Variants in YES1 observed in about 807,000 individuals in gnomAD.
The protein encoded by YES1 is tyrosine-protein kinase Yes.
Under a neutral mutation model 70.4 loss-of-function variants are expected in YES1, and 39 were observed. That is an observed-to-expected ratio of 0.55 (90% CI 0.43 to 0.72). The LOEUF (loss-of-function observed/expected upper bound fraction) is 0.72. YES1 is among the 30% of genes least tolerant of loss of function. The pLI is 0.00. For synonymous variants in YES1, 198 were observed against 218.6 expected (o/e 0.91, Z 0.83); for missense variants, 495 against 644.8 (o/e 0.77, Z 2.52).
intron 11 of YES1, among the ~76,000 whole-genome samples, chr18:727,053 T>C (rs1434447372): frequency 6.6e-6 from 1 of 152,120 alleles, no homozygotes; most frequent in Non-Finnish European, 1.5e-5. Flanking sequence ...AAGTATCTCT[T>C]TTTCTTCTTT....
At chr18:787,581 G>A (rs1441553837) in intron 1 of YES1, among the ~76,000 whole-genome samples, 3 of 151,938 alleles carry the variant, frequency 2.0e-5, no homozygotes, top group Non-Finnish European at 2.9e-5. Context: ...ATGCTGGTGC[G>A]TGCCTGTAAT....
At position 732,805 on chromosome 18, in the gene YES1, T is replaced by C. The variant is rs191039075; in HGVS notation, c.1423+29A>G. On this transcript the variant is annotated intron_variant, in intron 11 of 11. Transcript: ENST00000314574. ...ACTCCTGATAAAGCCACTCATGAGA[T>C]AACCAAGAGCTATAAAATGCAAGCT... The C allele has an allele frequency of 1.6e-5, 26 of 1,613,982 alleles. No homozygotes were observed. The African/African-American group carries it at 2.9e-4, about 18-fold the overall frequency.
chr18:757,232 A>ATG (rs2080419698), intron 1 of YES1, among the ~76,000 whole-genome samples: 1 of 152,206 alleles, frequency 6.6e-6, no homozygotes, highest in Non-Finnish European at 1.5e-5. Context: ...CGCTGGGCGC[A>ATG]GTGGCTCACG....
intron 1 of YES1, among the ~76,000 whole-genome samples, chr18:781,235 C>T (rs1008910096): frequency 4.1e-5 from 6 of 147,146 alleles, no homozygotes; most frequent in Non-Finnish European, 5.9e-5. Flanking sequence ...CGCCATTGCA[C>T]TGCAGCCTGG....
At position 756,611 on chromosome 18, in the gene YES1, C is replaced by T; in HGVS notation, c.217G>A (p.Gly73Ser). ...ACCACTGAAAATGAGGAAGATGCACCTCCAAAAGGCGTTACCCCTGAGGAT... is the reference window on the plus strand; with the variant it reads ...ACCACTGAAAATGAGGAAGATGCACTTCCAAAAGGCGTTACCCCTGAGGAT... Reference protein sequence around the residue: ...GGSSGVTPFGGASSSFSVVPS... With the variant: ...GGSSGVTPFGSASSSFSVVPS... Residue 73 changes from glycine to serine, a missense_variant, in exon 2 of 12, where the codon GGT becomes AGT. By Grantham distance (56) the Gly-to-Ser change is moderately conservative. Coordinates refer to ENST00000314574, the MANE Select transcript of YES1 (RefSeq NM_005433.4). 1 of 1,614,130 alleles carries T rather than the reference C, an allele frequency of 6.2e-7. No homozygotes were observed. The highest frequency in any genetic ancestry group is 8.5e-7 in the Non-Finnish European group (1 of 1,180,030).
chr18:784,021 G>A (rs1439058245), intron 1 of YES1, among the ~76,000 whole-genome samples: 2 of 152,124 alleles, frequency 1.3e-5, no homozygotes, highest in Non-Finnish European at 2.9e-5. Flanking sequence ...AGCAAAACAG[G>A]CATAATACGA....
intron 1 of YES1, among the ~76,000 whole-genome samples, chr18:800,178 G>T (rs931459373): frequency 2.6e-5 from 4 of 152,236 alleles, no homozygotes; most frequent in African/African-American, 7.2e-5. Context: ...TGTGGTTACT[G>T]CATGAGCTTT....
At chr18:735,177 ATT>A (rs2080138509) in intron 10 of YES1, among the ~76,000 whole-genome samples, 1 of 149,654 alleles carries the variant, frequency 6.7e-6, no homozygotes, top group Non-Finnish European at 1.5e-5. Flanking sequence ...AAAAAAAATC[ATT>A]ATATGAAAAA....
In YES1 at chr18:724,448, C is replaced by T. The variant is rs2079994045; in HGVS notation, c.1608G>A (p.Gln536=). Residue 536 remains glutamine, a synonymous_variant, in exon 12 of 12, where the codon CAG becomes CAA. Transcript: ENST00000314574. ...LEDYFTATEP[Q]YQPGENL ...ATTATAAATTTTCTCCTGGCTGGTACTGTGGCTCTGTAGCAGTGAAGTAGT... is the reference window on the plus strand; with the variant it reads ...ATTATAAATTTTCTCCTGGCTGGTATTGTGGCTCTGTAGCAGTGAAGTAGT... 1 of 1,614,128 alleles carries T rather than the reference C, an allele frequency of 6.2e-7. No homozygotes were observed. Among genetic ancestry groups the T allele is most frequent in the Non-Finnish European group, 8.5e-7 (1 of 1,180,016 alleles).
At chr18:733,105 G>A in intron 10 of YES1, 140 bp from the exon 11 acceptor site, 1 of 667,902 alleles carries the variant, frequency 1.5e-6, no homozygotes, top group Non-Finnish European at 2.3e-6. Flanking sequence ...AGATACATGG[G>A]ATAAAAATTC....
chr18:746,524 G>A (rs2080282842), intron 4 of YES1, among the ~76,000 whole-genome samples: 1 of 152,160 alleles, frequency 6.6e-6, no homozygotes, highest in Non-Finnish European at 1.5e-5. Context: ...AAATGACAGT[G>A]TCTGCTATGG....
chr18:738,603 T>C (rs535832277), intron 9 of YES1: 2 of 150,258 alleles, frequency 1.3e-5, no homozygotes, highest in South Asian at 4.2e-4. Flanking sequence ...GGCGGGAGAA[T>C]TGTGTGAACC....
chr18:745,322 G>A (rs7235988), intron 6 of YES1, among the ~76,000 whole-genome samples: 11,785 of 152,168 alleles, frequency 0.077, 675 homozygotes, highest in Admixed American at 0.19. Context: ...AAGCTTATGC[G>A]ATCCAGCCCA....
Position 724,582 on chromosome 18 carries a change from G to A in YES1, c.1474C>T (p.Pro492Ser), listed in dbSNP as rs865811136. Residue 492 changes from proline (P) to serine (S), a missense_variant, in exon 12 of 12, where the codon CCG becomes TCG. Coordinates refer to ENST00000314574, the MANE Select transcript of YES1 (RefSeq NM_005433.4). ...LEQVERGYRMPCPQGCPESLH... is the reference protein window; with the variant it reads ...LEQVERGYRMSCPQGCPESLH... ...GATTCTGGACAGCCCTGAGGGCACG[G>A]CATCCTGTATCCTCGCTCCACTTGT... The A allele has an allele frequency of 6.2e-7, 1 of 1,614,080 alleles. No individual in the cohort carries two copies. The highest frequency in any genetic ancestry group is 1.1e-5 in the South Asian group (1 of 91,084).
intron 1 of YES1, chr18:787,992 A>C (rs1347189979): frequency 1.3e-5 from 2 of 152,184 alleles, no homozygotes; most frequent in Admixed American, 1.3e-4. Flanking sequence ...CAACGCTGGG[A>C]GACAGGAAAA....
chr18:740,857 C>A (rs1392522994), intron 8 of YES1, among the ~76,000 whole-genome samples: 1 of 151,992 alleles, frequency 6.6e-6, no homozygotes, highest in Non-Finnish European at 1.5e-5. Flanking sequence ...TTAGCCTTAC[C>A]TTCATTATAT....
At chr18:805,673 T>C (rs1426552787) in intron 1 of YES1, among the ~76,000 whole-genome samples, 5 of 152,196 alleles carry the variant, frequency 3.3e-5, no homozygotes, top group African/African-American at 1.2e-4. Context: ...TATAACACCA[T>C]ATTGCCTTCT....
chr18:754,399 T>C (rs909788250), intron 2 of YES1, among the ~76,000 whole-genome samples: 1 of 152,140 alleles, frequency 6.6e-6, no homozygotes, highest in Non-Finnish European at 1.5e-5. Flanking sequence ...AGGTGGGTCA[T>C]TCTCACTTAT....
intron 10 of YES1, among the ~76,000 whole-genome samples, chr18:733,691 G>A (rs2080117108): frequency 6.8e-6 from 1 of 147,582 alleles, no homozygotes; most frequent in Admixed American, 7.0e-5. Flanking sequence ...GCTGAGGCAG[G>A]AGAATGGTGT....
Sources: allele counts gnomAD v4.1 joint callset (sites outside exome capture counted in the v4.1 genomes callset), GRCh38; gene constraint gnomAD v4.1.1; transcripts MANE v1.5; gene names NCBI Gene and HGNC (gene_info 2026-07-23, HGNC 2026-07-21).